SPIRE1: variants seen among roughly 807,000 people sequenced by gnomAD.
SPIRE1 encodes the protein spire type actin nucleation factor 1.
In SPIRE1, 40 loss-of-function variants were observed where a neutral mutation model predicts 94.1. The ratio of observed to expected loss-of-function variants is 0.43; its 90% CI spans 0.33 to 0.55. The LOEUF (loss-of-function observed/expected upper bound fraction) is 0.55. SPIRE1 is among the 20% of genes least tolerant of loss of function. The probability of loss-of-function intolerance (pLI) is 0.06; values close to 1 mark genes in which losing one functional copy is unlikely to be tolerated. For synonymous variants in SPIRE1, 376 were observed against 371.7 expected, an observed-to-expected ratio of 1.01 and a Z score of -0.13; for missense variants, 838 against 975.2, an observed-to-expected ratio of 0.86 and a Z score of 1.87.
At chr18:12,468,009 T>TA (rs1487248439) in intron 10 of SPIRE1, among the ~76,000 whole-genome samples, 2 of 152,122 alleles carry the variant, frequency 1.3e-5, no homozygotes, top group Non-Finnish European at 2.9e-5. Context: ...TTACCTTTGT[T>TA]AGTGTTAAGG....
intron 1 of SPIRE1, 24 bp downstream of exon 1, chr18:12,657,506 G>C: frequency 8.1e-7 from 1 of 1,229,272 alleles, no homozygotes; most frequent in East Asian, 3.2e-5. Flanking sequence ...AGAACTACGA[G>C]GGAAAGGGGC....
intron 2 of SPIRE1, among the ~76,000 whole-genome samples, chr18:12,618,961 C>T (rs2144728843): frequency 6.6e-6 from 1 of 152,070 alleles, no homozygotes; most frequent in Middle Eastern, 3.4e-3. Flanking sequence ...CTCGGCTCAC[C>T]ACAACCTCTG....
At chr18:12,520,674 T>G (rs1007664254) in intron 4 of SPIRE1, among the ~76,000 whole-genome samples, 2 of 152,168 alleles carry the variant, frequency 1.3e-5, no homozygotes, top group African/African-American at 4.8e-5. Context: ...AGACATCTGG[T>G]GGTGGATTTT....
chr18:12,594,076 G>A (rs1393587803), intron 2 of SPIRE1, among the ~76,000 whole-genome samples: 1 of 152,204 alleles, frequency 6.6e-6, no homozygotes, highest in Non-Finnish European at 1.5e-5. Context: ...TATAGTCCGG[G>A]AAACGATCCA....
intron 2 of SPIRE1, among the ~76,000 whole-genome samples, chr18:12,578,733 G>C (rs888344222): frequency 2.0e-5 from 3 of 152,090 alleles, no homozygotes; most frequent in African/African-American, 7.2e-5. Flanking sequence ...TTACTCTTTA[G>C]TCACCTAGTC....
intron 12 of SPIRE1, among the ~76,000 whole-genome samples, chr18:12,461,639 A>G (rs2031866906): frequency 6.6e-6 from 1 of 151,948 alleles, no homozygotes; most frequent in Non-Finnish European, 1.5e-5. Flanking sequence ...GTGTATATAT[A>G]TTTTTAGAGA....
chr18:12,599,167 T>C (rs1423841450), intron 2 of SPIRE1, among the ~76,000 whole-genome samples: 2 of 152,208 alleles, frequency 1.3e-5, no homozygotes, highest in Non-Finnish European at 2.9e-5. Flanking sequence ...CCACAGTCTA[T>C]ATTCAAATTT....
At chr18:12,464,385 A>G (rs2032003643) in intron 11 of SPIRE1, among the ~76,000 whole-genome samples, 1 of 152,246 alleles carries the variant, frequency 6.6e-6, no homozygotes, top group African/African-American at 2.4e-5. Context: ...GTTCTTATAA[A>G]TGAAAAGGAT....
chr18:12,552,037 G>T (rs555807281), intron 2 of SPIRE1, among the ~76,000 whole-genome samples: 1 of 152,344 alleles, frequency 6.6e-6, no homozygotes, highest in African/African-American at 2.4e-5. Context: ...TGTCACAGGG[G>T]AAAGTAAATC....
chr18:12,484,950 G>A (rs375957720), intron 9 of SPIRE1, among the ~76,000 whole-genome samples: 1 of 151,876 alleles, frequency 6.6e-6, no homozygotes, highest in Non-Finnish European at 1.5e-5. Flanking sequence ...TATATTTAAA[G>A]TTTTAATTTA....
At chr18:12,542,264 C>T (rs138188880) in intron 3 of SPIRE1, among the ~76,000 whole-genome samples, 22 of 152,198 alleles carry the variant, frequency 1.4e-4, no homozygotes, top group East Asian at 3.9e-4. Flanking sequence ...CATGAGCCAC[C>T]GCACGCAGCC....
At chr18:12,488,900 C>T (rs1480437444) in intron 8 of SPIRE1, among the ~76,000 whole-genome samples, 1 of 152,050 alleles carries the variant, frequency 6.6e-6, no homozygotes, top group Non-Finnish European at 1.5e-5. Flanking sequence ...AATAATCTTC[C>T]TTGGGTCAGG....
At chr18:12,515,315 G>A (rs2034166006) in intron 4 of SPIRE1, among the ~76,000 whole-genome samples, 1 of 151,926 alleles carries the variant, frequency 6.6e-6, no homozygotes. Context: ...AGGAGTTGAA[G>A]ACCAACCTGG....
chr18:12,602,317 G>T (rs144563482), intron 2 of SPIRE1, among the ~76,000 whole-genome samples: 53 of 152,190 alleles, frequency 3.5e-4, no homozygotes, highest in African/African-American at 1.2e-3. Context: ...ATACTCAAAA[G>T]GTTTCACTTG....
chr18:12,506,184 G>T (rs568050160), intron 6 of SPIRE1, among the ~76,000 whole-genome samples: 7 of 152,096 alleles, frequency 4.6e-5, no homozygotes, highest in African/African-American at 1.7e-4. Flanking sequence ...TTGAGATAGG[G>T]TCTCACTCTG....
intron 2 of SPIRE1, among the ~76,000 whole-genome samples, chr18:12,567,938 T>C (rs2035859586): frequency 6.6e-6 from 1 of 152,198 alleles, no homozygotes; most frequent in Non-Finnish European, 1.5e-5. Flanking sequence ...TCTTTGTGAG[T>C]TGGACTATTA....
Position 12,483,135 on chromosome 18 carries a change from G to A in SPIRE1, c.1231+2824C>T, listed in dbSNP as rs8099702. On this transcript the variant is annotated intron_variant, in intron 9 of 16. Coordinates refer to ENST00000409402, the MANE Select transcript of SPIRE1 (RefSeq NM_001128626.2). ...TTTTGGTATTTTTTTGTGTGTGTGC[G>A]TAGGAGACAGGGTTTTGCCATGTTG... Among the ~76,000 whole-genome samples the A allele has an allele frequency of 2.6e-3, 389 of 151,980 alleles. 4 individuals are homozygous for A. The highest frequency in any genetic ancestry group is 9.0e-3 in the African/African-American group (375 of 41,462).
At chr18:12,463,228 G>A in intron 12 of SPIRE1, 123 bp downstream of exon 12, 6 of 1,004,388 alleles carry the variant, frequency 6.0e-6, no homozygotes, top group African/African-American at 1.6e-5. Flanking sequence ...TATTAAGTAA[G>A]TTATTCAAAA....
chr18:12,450,966 T>C (rs1416713706), intron 16 of SPIRE1: 2 of 629,264 alleles, frequency 3.2e-6, no homozygotes, highest in East Asian at 6.3e-5. Flanking sequence ...CCTGCTAAAG[T>C]TGCCCAGAAA....
Sources: gnomAD v4.1 joint callset for allele counts (sites outside exome capture counted in the v4.1 genomes callset) on GRCh38, gnomAD v4.1.1 for gene constraint, MANE v1.5 for transcripts, NCBI Gene and HGNC (gene_info 2026-07-23, HGNC 2026-07-21) for gene names.